The following UBE2K variants were observed in gnomAD, a reference collection of about 807,000 sequenced individuals.
The protein encoded by UBE2K is ubiquitin conjugating enzyme E2 K.
In UBE2K, 6 loss-of-function variants were observed where a neutral mutation model predicts 30.0. The observed-to-expected ratio is 0.20, with a 90% CI of 0.11 to 0.39. UBE2K has a LOEUF of 0.39. Among genes scored for constraint, UBE2K ranks in the 10% least tolerant of loss-of-function variants. UBE2K has a pLI of 1.00. For missense variants in UBE2K, 61 were observed against 241.6 expected (o/e 0.25, Z 4.96); for synonymous variants, 86 against 83.7 (o/e 1.03, Z -0.15).
chr4:39,715,851 A>G (rs78151114), intron 1 of UBE2K, among the ~76,000 whole-genome samples: 1 of 151,518 alleles, frequency 6.6e-6, no homozygotes, highest in Non-Finnish European at 1.5e-5. Context: ...GTTTTTTTTT[A>G]TTTATTTTTT....
intron 4 of UBE2K, among the ~76,000 whole-genome samples, chr4:39,767,142 T>C (rs753454168): frequency 6.6e-6 from 1 of 152,328 alleles, no homozygotes; most frequent in Middle Eastern, 3.4e-3. Flanking sequence ...CAAGGAATCA[T>C]TGCCAAATTC....
At chr4:39,716,678 T>C (rs938022183) in intron 1 of UBE2K, among the ~76,000 whole-genome samples, 6 of 152,108 alleles carry the variant, frequency 3.9e-5, no homozygotes, top group Non-Finnish European at 8.8e-5. Flanking sequence ...CTGGGCAACA[T>C]AGTGAGACCC....
chr4:39,770,934 G>A lies in UBE2K; in HGVS notation c.300-3900G>A. 4 of 1,570,044 alleles carry A rather than the reference G, an allele frequency of 2.5e-6. No homozygotes were observed. In the South Asian group the frequency reaches 4.8e-5, roughly 19 times the overall value. Reference sequence around the variant, plus strand: ...GAGTGGAGGGGATAGAGGAGGTGGGGGGTGGGGGCTTCGGGGCTGGCTTTG... The same window carrying A: ...GAGTGGAGGGGATAGAGGAGGTGGGAGGTGGGGGCTTCGGGGCTGGCTTTG... On this transcript the variant is annotated intron_variant, in intron 4 of 6. Coordinates refer to ENST00000261427, the MANE Select transcript of UBE2K (RefSeq NM_005339.5).
intron 4 of UBE2K, among the ~76,000 whole-genome samples, chr4:39,772,935 C>T (rs1425099398): frequency 4.0e-5 from 6 of 151,842 alleles, no homozygotes; most frequent in South Asian, 4.2e-4. Flanking sequence ...TGATTGCCCG[C>T]CCTGGCCTCC....
At chr4:39,762,587 G>A (rs1318516666) in intron 4 of UBE2K, among the ~76,000 whole-genome samples, 1 of 152,210 alleles carries the variant, frequency 6.6e-6, no homozygotes, top group Non-Finnish European at 1.5e-5. Flanking sequence ...CACATCATGA[G>A]GGTAGAAAAT....
intron 1 of UBE2K, among the ~76,000 whole-genome samples, chr4:39,700,851 G>A (rs577350087): frequency 4.6e-5 from 7 of 152,230 alleles, no homozygotes; most frequent in Admixed American, 1.3e-4. Flanking sequence ...ATAAGTGGCC[G>A]TTCTTAGAGT....
chr4:39,771,284 C>CT, intron 4 of UBE2K: 2 of 1,611,816 alleles, frequency 1.2e-6, no homozygotes, highest in Non-Finnish European at 1.7e-6. Context: ...GAGCAGGCGG[C>CT]TAAGATGACC....
rs1053160077 is a variant in UBE2K at position 39,779,931 on chromosome 4, G to A, written c.*1497G>A. 2.0e-5 allele frequency: 3 copies of A among 152,064 alleles called. No individual in the cohort carries two copies. Among genetic ancestry groups the A allele is most frequent in the African/African-American group, 7.2e-5 (3 of 41,426 alleles). The allele number at this position is 152,064 out of a possible 1,614,324, so 9.4% of individuals were successfully genotyped here. ...AGATAATTTTTGAATCATAACGTCA[G>A]CATAACTTCATTTGACTTCTCAATA... On this transcript the variant is annotated 3_prime_UTR_variant, in exon 7 of 7. Transcript: ENST00000261427.
At chr4:39,778,237 A>G in intron 6 of UBE2K, 123 bp from the exon 7 acceptor site, 1 of 498,142 alleles carries the variant, frequency 2.0e-6, no homozygotes, top group Non-Finnish European at 3.4e-6. Flanking sequence ...CATGCACTGC[A>G]AATGTAAATC....
chr4:39,702,915 C>T (rs1469439731), intron 1 of UBE2K, among the ~76,000 whole-genome samples: 1 of 152,030 alleles, frequency 6.6e-6, no homozygotes, highest in Non-Finnish European at 1.5e-5. Flanking sequence ...AGAGCCCCAG[C>T]GCATGTCCCC....
Position 39,698,187 on chromosome 4 carries a change from C to T in UBE2K, c.-141C>T. 3 of 823,256 alleles carry T rather than the reference C, an allele frequency of 3.6e-6. No homozygotes were observed. Among genetic ancestry groups the T allele is most frequent in the Non-Finnish European group, 6.1e-6 (3 of 490,648 alleles). The allele number at this position is 823,256 out of a possible 1,614,324, so 51.0% of individuals were successfully genotyped here. ...TGATTCCACACTGAGGCGAGCGCGG[C>T]GGCCGGGGTGGTAGTGGCAGTGTTC... On this transcript the variant is annotated 5_prime_UTR_variant, in exon 1 of 7. Transcript: ENST00000261427.
rs150062572 is a variant in UBE2K at position 39,700,124 on chromosome 4, C to T, written c.63+1734C>T. The stretch of plus-strand genomic sequence containing the variant: ...CTTTATTTTCTGTTACTTACGGTAA[C>T]AGAAACAGTAAGTTACTGCTCTGGT... On this transcript the variant is annotated intron_variant, in intron 1 of 6. Transcript: ENST00000261427. Among the ~76,000 whole-genome samples the T allele has an allele frequency of 3.7e-3, 559 of 152,160 alleles. 3 individuals carry two copies. Among genetic ancestry groups the T allele is most frequent in the African/African-American group, 0.012 (492 of 41,522 alleles).
intron 1 of UBE2K, among the ~76,000 whole-genome samples, chr4:39,726,812 G>T (rs1379494779): frequency 1.3e-5 from 2 of 152,164 alleles, no homozygotes; most frequent in Middle Eastern, 3.4e-3. Context: ...GGTTAGGCTG[G>T]TCTCAAACTC....
chr4:39,702,231 CT>C (rs564712672), intron 1 of UBE2K, among the ~76,000 whole-genome samples: 1 of 67,372 alleles, frequency 1.5e-5, no homozygotes, highest in Non-Finnish European at 2.7e-5. Context: ...CTTTTCTTTT[CT>C]TTTTTTTTTT....
intron 4 of UBE2K, among the ~76,000 whole-genome samples, chr4:39,760,368 G>A (rs568855709): frequency 2.0e-5 from 3 of 151,894 alleles, no homozygotes; most frequent in South Asian, 2.1e-4. Context: ...AATATTTATG[G>A]CAGATTTATT....
intron 1 of UBE2K, among the ~76,000 whole-genome samples, chr4:39,702,259 T>C (rs1318404498): frequency 7.8e-5 from 2 of 25,634 alleles, no homozygotes; most frequent in Non-Finnish European, 1.4e-4. Flanking sequence ...TTTTTTTTTT[T>C]TTTTTTTTTT....
Position 39,778,571 on chromosome 4 carries a change from CTG to C in UBE2K, c.*138_*139del, listed in dbSNP as rs1713415791. 1 of 469,818 alleles carries C rather than the reference CTG, an allele frequency of 2.1e-6. No homozygotes were observed. Among genetic ancestry groups the C allele is most frequent in the Middle Eastern group, 3.0e-4 (1 of 3,314 alleles). The allele number at this position is 469,818 out of a possible 1,614,324, so 29.1% of individuals were successfully genotyped here. ...GATGTTATCTAGGCACCATTGGAGA[CTG>C]AAAAAAAAAAATCCCTGCTCTGTAA... is the stretch of plus-strand genomic sequence containing the variant. On this transcript the variant is annotated 3_prime_UTR_variant, in exon 7 of 7. Transcript: ENST00000261427.
At chr4:39,712,350 C>T (rs1340735269) in intron 1 of UBE2K, among the ~76,000 whole-genome samples, 3 of 147,102 alleles carry the variant, frequency 2.0e-5, no homozygotes, top group Admixed American at 6.9e-5. Context: ...CACAGGCACC[C>T]GCCACTGCGC....
At chr4:39,718,541 G>A (rs1719237012) in intron 1 of UBE2K, among the ~76,000 whole-genome samples, 1 of 152,254 alleles carries the variant, frequency 6.6e-6, no homozygotes, top group Non-Finnish European at 1.5e-5. Flanking sequence ...GCAGTCGATG[G>A]AACTGGGTGC....
Sources: gnomAD v4.1 joint callset for allele counts (sites outside exome capture counted in the v4.1 genomes callset) on GRCh38, gnomAD v4.1.1 for gene constraint, MANE v1.5 for transcripts, NCBI Gene and HGNC (gene_info 2026-07-23, HGNC 2026-07-21) for gene names.